Variants in TNNI3K observed in about 807,000 individuals in gnomAD.
TNNI3K encodes the protein serine/threonine-protein kinase TNNI3K.
In TNNI3K, 140 loss-of-function variants were observed where a neutral mutation model predicts 114.5. The ratio of observed to expected loss-of-function variants is 1.22; its 90% confidence interval spans 1.07 to 1.41. The LOEUF is 1.41. TNNI3K is among the 40% of genes most tolerant of loss of function. TNNI3K has a pLI of 0.00. For missense variants in TNNI3K, 1,125 were observed against 1,007.6 expected, an observed-to-expected ratio of 1.12 and a Z score of -1.58; for synonymous variants, 347 against 347.5, an observed-to-expected ratio of 1.00 and a Z score of 0.02.
At chr1:74,500,009 C>T (rs1005109031) in intron 23 of TNNI3K, among the ~76,000 whole-genome samples, 2 of 151,750 alleles carry the variant, frequency 1.3e-5, no homozygotes, top group Non-Finnish European at 2.9e-5. Context: ...TGAATATGAG[C>T]TATATTTCTA....
chr1:74,288,492 T>C (rs1657467069), intron 5 of TNNI3K, among the ~76,000 whole-genome samples: 1 of 152,090 alleles, frequency 6.6e-6, no homozygotes, highest in Non-Finnish European at 1.5e-5. Flanking sequence ...TGGGAGGACA[T>C]TATGCCAAGT....
At position 74,347,203 on chromosome 1, in the gene TNNI3K, A is replaced by G. The variant is rs1298531749; in HGVS notation, c.932+4024A>G. 4.8e-5 allele frequency among the ~76,000 whole-genome samples: 6 copies of G among 124,214 alleles called. No individual in the cohort carries two copies. The East Asian group carries it at 7.7e-4, about 16-fold the overall frequency. 81.5% of individuals were successfully genotyped at this position (124,214 alleles called of 152,430 possible). On this transcript the variant is annotated intron_variant, in intron 9 of 24. Transcript: ENST00000326637. ...GTGTGATGCTCCCCTTCGTGTGTCCATGTGTTCTCATTGTTCAATTCCCAC... is the reference window on the plus strand; with the variant it reads ...GTGTGATGCTCCCCTTCGTGTGTCCGTGTGTTCTCATTGTTCAATTCCCAC...
At position 74,336,017 on chromosome 1, in the gene TNNI3K, C is replaced by A. The variant is rs200491742; in HGVS notation, c.550C>A (p.Arg184Ser). The A allele has an allele frequency of 7.6e-6, 12 of 1,570,206 alleles. No homozygotes were observed. The highest frequency in any genetic ancestry group is 9.4e-6 in the Non-Finnish European group (11 of 1,166,664). Residue 184 changes from arginine to serine, a missense_variant, in exon 7 of 25, where the codon CGC becomes AGC. Coordinates refer to ENST00000326637, the MANE Select transcript of TNNI3K (RefSeq NM_015978.3). ...AAYYGHEQVT[R>S]LLLKFGADVN... ...AAATGAATAAATCCTTTAGGTAACT[C>A]GCCTTCTTTTGAAATTTGGTGCTGA...
Position 74,507,818 on chromosome 1 carries a change from A to G in TNNI3K, c.2351+15552A>G, listed in dbSNP as rs182918271. Among the ~76,000 whole-genome samples the G allele has an allele frequency of 2.1e-4, 32 of 152,304 alleles. No individual in the cohort carries two copies. In the East Asian group the frequency reaches 4.0e-3, roughly 19 times the overall value. On this transcript the variant is annotated intron_variant, in intron 23 of 24. Transcript: ENST00000326637. ...ATGGGCTCTGAGACTTAGGAACTTA[A>G]GTACCTTTGAAATTACAAAGGCTGA...
intron 17 of TNNI3K, among the ~76,000 whole-genome samples, chr1:74,422,620 C>G (rs1665451474): frequency 2.0e-5 from 3 of 152,128 alleles, no homozygotes. Context: ...GCCACTTCAA[C>G]TCATCATCTG....
chr1:74,408,253 C>T (rs955772933), intron 17 of TNNI3K, among the ~76,000 whole-genome samples: 1 of 152,134 alleles, frequency 6.6e-6, no homozygotes, highest in Non-Finnish European at 1.5e-5. Flanking sequence ...GATAGGCTTC[C>T]TTATGAAGTG....
At chr1:74,533,001 A>G (rs1474557083) in intron 23 of TNNI3K, among the ~76,000 whole-genome samples, 1 of 152,190 alleles carries the variant, frequency 6.6e-6, no homozygotes, top group African/African-American at 2.4e-5. Context: ...GGACATAGGC[A>G]TGGGCAAGGA....
In TNNI3K at chr1:74,369,191, T is replaced by G. The variant is rs201325471; in HGVS notation, c.1415-16T>G. 1.2e-6 allele frequency: 2 copies of G among 1,606,246 alleles called. No homozygotes were observed. Among genetic ancestry groups the G allele is most frequent in the Non-Finnish European group, 1.7e-6 (2 of 1,176,880 alleles). ...AAGTTAATATGTGTTTATTTATTTA[T>G]TTTAAACAATTGTAGGTTCTTTTGG... On this transcript the variant is annotated splice_polypyrimidine_tract_variant and intron_variant, in intron 14 of 24. Transcript: ENST00000326637.
intron 17 of TNNI3K, among the ~76,000 whole-genome samples, chr1:74,404,862 G>A (rs143480299): frequency 2.6e-5 from 4 of 152,250 alleles, no homozygotes; most frequent in East Asian, 3.9e-4. Context: ...GGGGCAACCA[G>A]AGCTCTGTTA....
chr1:74,504,451 T>C (rs1669789036), intron 23 of TNNI3K, among the ~76,000 whole-genome samples: 1 of 152,182 alleles, frequency 6.6e-6, no homozygotes, highest in Admixed American at 6.5e-5. Context: ...GAGGAGCATG[T>C]GAAAAATGTC....
At chr1:74,499,690 A>G (rs1669512140) in intron 23 of TNNI3K, among the ~76,000 whole-genome samples, 1 of 152,162 alleles carries the variant, frequency 6.6e-6, no homozygotes, top group Non-Finnish European at 1.5e-5. Context: ...CCCACCAAAA[A>G]AATGAGATTT....
At chr1:74,339,307 T>C (rs889955344) in intron 7 of TNNI3K, among the ~76,000 whole-genome samples, 1 of 152,180 alleles carries the variant, frequency 6.6e-6, no homozygotes, top group Non-Finnish European at 1.5e-5. Flanking sequence ...TTTTTAAGTA[T>C]TTTTATTTCT....
At chr1:74,362,707 A>G (rs576928373) in intron 11 of TNNI3K, among the ~76,000 whole-genome samples, 3 of 152,250 alleles carry the variant, frequency 2.0e-5, no homozygotes, top group South Asian at 2.1e-4. Flanking sequence ...AACAAAACCT[A>G]GGTTTTAAAA....
chr1:74,351,974 A>G (rs1661373237), intron 9 of TNNI3K, among the ~76,000 whole-genome samples: 1 of 152,082 alleles, frequency 6.6e-6, no homozygotes, highest in South Asian at 2.1e-4. Context: ...AACTTGTCAA[A>G]GTCATTTTCC....
chr1:74,489,246 G>C lies in TNNI3K; in HGVS notation c.2179G>C (p.Glu727Gln). ...GTTAGAAGAGTGTCTCTGCAACATT[G>C]AGGTAAAAGCTTTAGCTTCTGAAAT... The part of the protein sequence containing the change: ...MKLEECLCNI[E>Q]LMSPASSNSS... Residue 727 changes from glutamate (E) to glutamine (Q), a missense_variant and splice_region_variant, in exon 22 of 25, where the codon GAG becomes CAG. Transcript: ENST00000326637. The C allele has an allele frequency of 6.2e-7, 1 of 1,611,004 alleles. No individual in the cohort carries two copies.
At chr1:74,381,641 A>G (rs771991155) in intron 17 of TNNI3K, among the ~76,000 whole-genome samples, 9 of 152,176 alleles carry the variant, frequency 5.9e-5, no homozygotes, top group Non-Finnish European at 1.2e-4. Context: ...ATAACAGATT[A>G]CTGCCTTCAT....
intron 9 of TNNI3K, among the ~76,000 whole-genome samples, chr1:74,349,901 G>A (rs1275716284): frequency 1.3e-5 from 2 of 151,910 alleles, no homozygotes; most frequent in African/African-American, 4.8e-5. Context: ...TATCAATTTT[G>A]TTGATCTTTT....
intron 17 of TNNI3K, among the ~76,000 whole-genome samples, chr1:74,391,957 ATTT>A (rs34656417): frequency 5.4e-5 from 5 of 93,038 alleles, no homozygotes; most frequent in South Asian, 3.6e-4. Flanking sequence ...ACAGCTTATT[ATTT>A]TTTTTTTTTT....
At chr1:74,462,061 T>TA (rs1276410782) in intron 20 of TNNI3K, among the ~76,000 whole-genome samples, 1 of 152,208 alleles carries the variant, frequency 6.6e-6, no homozygotes, top group African/African-American at 2.4e-5. Context: ...GTATAAGAAA[T>TA]ATGTGAAATA....
Sources: gnomAD v4.1 joint callset for allele counts (sites outside exome capture counted in the v4.1 genomes callset) on GRCh38, gnomAD v4.1.1 for gene constraint, MANE v1.5 for transcripts, NCBI Gene and HGNC (gene_info 2026-07-23, HGNC 2026-07-21) for gene names.